MID1: variants seen among roughly 807,000 people sequenced by gnomAD.
MID1 encodes the protein E3 ubiquitin-protein ligase Midline-1.
In MID1, 7 loss-of-function variants were observed where a neutral mutation model predicts 40.4. The observed-to-expected ratio is 0.17, with a 90% CI of 0.10 to 0.33. The LOEUF (loss-of-function observed/expected upper bound fraction) is 0.33. Among genes scored for constraint, MID1 ranks in the 10% least tolerant of loss-of-function variants. The pLI is 1.00. For missense variants in MID1, 367 were observed against 558.5 expected, an observed-to-expected ratio of 0.66 and a Z score of 3.46; for synonymous variants, 229 against 221.2, an observed-to-expected ratio of 1.04 and a Z score of -0.31.
chrX:10,522,921 C>T (rs757662231), intron 3 of MID1, among the ~76,000 whole-genome samples, 171 bp downstream of exon 3: 1 of 112,408 alleles, frequency 8.9e-6, no homozygotes, highest in African/African-American at 3.2e-5. Context: ...GGGAAAGACT[C>T]TCTGAAGTTC....
intron 1 of MID1, among the ~76,000 whole-genome samples, chrX:10,653,272 G>C (rs900397606): frequency 8.9e-6 from 1 of 112,516 alleles, no homozygotes; most frequent in Non-Finnish European, 1.9e-5. Context: ...TGCTTTCCTA[G>C]CTTTATGTGT....
chrX:10,713,330 T>C (rs1323609765), intron 1 of MID1, among the ~76,000 whole-genome samples: 1 of 108,575 alleles, frequency 9.2e-6, no homozygotes, highest in Admixed American at 9.9e-5. Flanking sequence ...AGGAGATTTT[T>C]TTTTTTTTTT....
At chrX:10,707,152 A>G (rs987123373) in intron 1 of MID1, among the ~76,000 whole-genome samples, 5 of 112,044 alleles carry the variant, frequency 4.5e-5, no homozygotes, top group African/African-American at 1.6e-4. Context: ...TTTCTTGTTC[A>G]TGCAATAGTC....
intron 4 of MID1, among the ~76,000 whole-genome samples, chrX:10,494,694 A>ACC (rs1931138795): frequency 9.6e-6 from 1 of 104,629 alleles, no homozygotes; most frequent in East Asian, 3.0e-4. Context: ...GGATTGTCTG[A>ACC]GCCCGGGAGG....
chrX:10,696,372 T>G (rs779604633), intron 1 of MID1, among the ~76,000 whole-genome samples: 3 of 111,923 alleles, frequency 2.7e-5, no homozygotes, highest in Non-Finnish European at 5.6e-5. Context: ...GATGCAACAC[T>G]GAAGCATGCC....
intron 1 of MID1, among the ~76,000 whole-genome samples, chrX:10,685,339 T>C (rs1408465758): frequency 8.9e-6 from 1 of 112,012 alleles, no homozygotes; most frequent in Admixed American, 9.5e-5. Flanking sequence ...ACATTCTCCC[T>C]TGAGGCTAGC....
At chrX:10,669,326 C>G (rs923430746) in intron 1 of MID1, among the ~76,000 whole-genome samples, 6 of 108,699 alleles carry the variant, frequency 5.5e-5, no homozygotes, top group African/African-American at 2.0e-4. Context: ...CTTTCAACAT[C>G]ATAGTCAGTT....
At chrX:10,502,573 T>C (rs1306284807) in intron 3 of MID1, among the ~76,000 whole-genome samples, 2 of 111,810 alleles carry the variant, frequency 1.8e-5, no homozygotes, top group African/African-American at 6.5e-5. Flanking sequence ...CCACCATTAC[T>C]GCACTCTTGA....
At position 10,798,943 on chromosome X, in the gene MID1, C is replaced by T. The variant is rs772646766; in HGVS notation, c.-187+34611G>A. On this transcript the variant is annotated intron_variant, in intron 1 of 10. Coordinates refer to the MID1 transcript ENST00000380785. Reference sequence around the variant, plus strand: ...AGAAGATGGATCTTTGATTCTTTGTCACCATGATGGTATTTGTGGGTGAAT... The same window carrying T: ...AGAAGATGGATCTTTGATTCTTTGTTACCATGATGGTATTTGTGGGTGAAT... 8.0e-5 allele frequency among the ~76,000 whole-genome samples: 9 copies of T among 111,874 alleles called. No homozygotes were observed. The East Asian group carries it at 2.5e-3, about 31-fold the overall frequency.
At chrX:10,503,681 C>G (rs1328807471) in intron 3 of MID1, among the ~76,000 whole-genome samples, 1 of 111,527 alleles carries the variant, frequency 9.0e-6, no homozygotes, top group African/African-American at 3.3e-5. Flanking sequence ...TTATTTGGAC[C>G]AGAGGAGATC....
Position 10,620,415 on chromosome X carries a change from GA to G in MID1, c.-183del, listed in dbSNP as rs1345961313. On this transcript the variant is annotated 5_prime_UTR_variant, in exon 1 of 10. Coordinates refer to ENST00000317552, the MANE Select transcript of MID1 (RefSeq NM_000381.4). ...GCCCGCAAGACAAAAGCAACCCGGC[GA>G]AATCTACGGGCAGCAAAGAGCACGT... 8.9e-6 allele frequency: 1 copy of G among 112,936 alleles called. No individual in the cohort carries two copies. Among genetic ancestry groups the G allele is most frequent in the Non-Finnish European group, 1.9e-5 (1 of 53,319 alleles). The allele number at this position is 112,936 out of a possible 1,213,427, so 9.3% of individuals were successfully genotyped here. A position where few individuals can be genotyped will look rare whatever the true frequency, so the allele number is the denominator to read the frequency against.
intron 2 of MID1, among the ~76,000 whole-genome samples, chrX:10,545,865 TCTTG>T (rs1933663422): frequency 8.9e-6 from 1 of 112,435 alleles, no homozygotes; most frequent in Non-Finnish European, 1.9e-5. Context: ...GTCATGATTC[TCTTG>T]CTTATTTTAT....
At chrX:10,775,388 C>T (rs777757810) in intron 1 of MID1, among the ~76,000 whole-genome samples, 2 of 111,016 alleles carry the variant, frequency 1.8e-5, no homozygotes, top group South Asian at 7.7e-4. Flanking sequence ...TTAGACACTG[C>T]TCCACATTAG....
At chrX:10,704,739 TACAC>T (rs1189463440) in intron 1 of MID1, among the ~76,000 whole-genome samples, 16 of 82,205 alleles carry the variant, frequency 1.9e-4, no homozygotes, top group Admixed American at 6.9e-4. Context: ...TATATATATA[TACAC>T]ACACACACAC....
intron 9 of MID1, among the ~76,000 whole-genome samples, chrX:10,451,053 G>T (rs1429259810): frequency 1.8e-5 from 2 of 111,662 alleles, no homozygotes; most frequent in East Asian, 2.8e-4. Flanking sequence ...TTTAAGAGTG[G>T]TGTGTTTGTT....
chrX:10,609,715 C>CT (rs138559299), intron 1 of MID1, among the ~76,000 whole-genome samples: 3,244 of 86,248 alleles, frequency 0.038, 177 homozygotes, highest in African/African-American at 0.11. Context: ...TTCTTTCTTT[C>CT]TTTTTTTTTT....
intron 3 of MID1, among the ~76,000 whole-genome samples, chrX:10,516,499 T>C (rs1225803653): frequency 9.2e-6 from 1 of 109,029 alleles, no homozygotes; most frequent in African/African-American, 3.3e-5. Context: ...TGGCCTGAAG[T>C]TGCTCTTTCA....
At chrX:10,551,690 T>C (rs189846624) in intron 2 of MID1, among the ~76,000 whole-genome samples, 1 of 112,295 alleles carries the variant, frequency 8.9e-6, no homozygotes, top group Non-Finnish European at 1.9e-5. Context: ...AAATGAGTAA[T>C]CAGATATAAA....
At chrX:10,616,302 C>G (rs1370674310) in intron 1 of MID1, among the ~76,000 whole-genome samples, 1 of 112,572 alleles carries the variant, frequency 8.9e-6, no homozygotes, top group Admixed American at 9.4e-5. Flanking sequence ...GTAGCAACCA[C>G]TTGTTTAAAA....
Sources: gnomAD v4.1 joint callset for allele counts (sites outside exome capture counted in the v4.1 genomes callset) on GRCh38, gnomAD v4.1.1 for gene constraint, MANE v1.5 for transcripts, NCBI Gene and HGNC (gene_info 2026-07-23, HGNC 2026-07-21) for gene names.